Variants in LHFPL2 observed in about 807,000 individuals in gnomAD.
LHFPL2 encodes the protein LHFPL tetraspan subfamily member 2.
LHFPL2 carries 7 observed loss-of-function variants against 17.5 expected under a neutral mutation model. That is an observed-to-expected ratio of 0.40 (90% CI 0.23 to 0.75). LHFPL2 has a LOEUF of 0.75. LHFPL2 is among the 30% of genes least tolerant of loss of function. The pLI is 0.37. For synonymous variants in LHFPL2, 134 were observed against 116.2 expected (o/e 1.15, Z -0.99); for missense variants, 241 against 294.8 (o/e 0.82, Z 1.34).
intron 3 of LHFPL2, among the ~76,000 whole-genome samples, chr5:78,537,683 A>G (rs1755991613): frequency 6.6e-6 from 1 of 152,232 alleles, no homozygotes; most frequent in Non-Finnish European, 1.5e-5. Context: ...TAACATGTGC[A>G]AGACATATTT....
chr5:78,526,718 A>AT (rs1288896238), intron 3 of LHFPL2, among the ~76,000 whole-genome samples: 4 of 152,248 alleles, frequency 2.6e-5, no homozygotes, highest in East Asian at 1.9e-4. Flanking sequence ...GAGGCGAGTG[A>AT]TTTTTTACCA....
At chr5:78,584,723 A>AT (rs773129213) in intron 2 of LHFPL2, among the ~76,000 whole-genome samples, 17 of 152,096 alleles carry the variant, frequency 1.1e-4, no homozygotes, top group Non-Finnish European at 2.2e-4. Flanking sequence ...TGCAGAGGTT[A>AT]TTGCTGTCTT....
chr5:78,599,271 A>T (rs1743925718), intron 2 of LHFPL2, among the ~76,000 whole-genome samples: 1 of 152,090 alleles, frequency 6.6e-6, no homozygotes. Flanking sequence ...CCAAGATTGA[A>T]AGCGAAGAAT....
At chr5:78,541,707 G>C (rs946313142) in intron 3 of LHFPL2, among the ~76,000 whole-genome samples, 4 of 152,162 alleles carry the variant, frequency 2.6e-5, no homozygotes, top group African/African-American at 7.2e-5. Flanking sequence ...ACACTCAAGA[G>C]GGGGAAGAAC....
intron 2 of LHFPL2, among the ~76,000 whole-genome samples, chr5:78,627,029 C>T (rs1041056121): frequency 3.3e-5 from 5 of 151,898 alleles, no homozygotes; most frequent in African/African-American, 1.2e-4. Flanking sequence ...TGCAGTGAGC[C>T]GAGATCGCAC....
intron 1 of LHFPL2, among the ~76,000 whole-genome samples, chr5:78,639,332 A>C (rs1037538150): frequency 2.6e-5 from 4 of 152,182 alleles, no homozygotes; most frequent in Non-Finnish European, 5.9e-5. Context: ...CAAGCTGGGA[A>C]AAACAAACAA....
At chr5:78,528,988 T>G (rs1185802957) in intron 3 of LHFPL2, among the ~76,000 whole-genome samples, 1 of 152,190 alleles carries the variant, frequency 6.6e-6, no homozygotes, top group Non-Finnish European at 1.5e-5. Flanking sequence ...TTTTCATACT[T>G]TAAAACTTTT....
At chr5:78,545,741 T>C (rs1169245272) in intron 3 of LHFPL2, among the ~76,000 whole-genome samples, 1 of 152,240 alleles carries the variant, frequency 6.6e-6, no homozygotes, top group African/African-American at 2.4e-5. Context: ...TTAGGAGACC[T>C]ACTTTGTTCC....
At chr5:78,617,282 G>A (rs1202737622) in intron 2 of LHFPL2, among the ~76,000 whole-genome samples, 3 of 152,070 alleles carry the variant, frequency 2.0e-5, no homozygotes, top group Admixed American at 6.6e-5. Context: ...CACCCACCTC[G>A]GACTCCCAAA....
intron 2 of LHFPL2, among the ~76,000 whole-genome samples, chr5:78,606,460 T>C (rs1421851184): frequency 6.6e-6 from 1 of 152,196 alleles, no homozygotes; most frequent in African/African-American, 2.4e-5. Flanking sequence ...AAATACCACT[T>C]AAGACTGAGA....
chr5:78,572,387 T>C (rs1423655568), intron 2 of LHFPL2, among the ~76,000 whole-genome samples: 1 of 151,842 alleles, frequency 6.6e-6, no homozygotes. Context: ...CTTCAAAGCT[T>C]AGCCAAATAA....
intron 3 of LHFPL2, among the ~76,000 whole-genome samples, chr5:78,528,351 T>C (rs546069762): frequency 1.3e-5 from 2 of 152,342 alleles, no homozygotes; most frequent in South Asian, 4.1e-4. Flanking sequence ...GCTCTGCCTC[T>C]TGTCATATCA....
chr5:78,571,660 T>C (rs1477590584), intron 2 of LHFPL2, among the ~76,000 whole-genome samples: 1 of 152,168 alleles, frequency 6.6e-6, no homozygotes, highest in Non-Finnish European at 1.5e-5. Context: ...TACTCATCCC[T>C]TGCTTCATTC....
intron 3 of LHFPL2, among the ~76,000 whole-genome samples, chr5:78,560,232 T>C (rs1756689658): frequency 6.6e-6 from 1 of 152,256 alleles, no homozygotes; most frequent in Non-Finnish European, 1.5e-5. Flanking sequence ...AGAATGCACA[T>C]AAGTGCCACT....
intron 2 of LHFPL2, among the ~76,000 whole-genome samples, chr5:78,594,603 A>C (rs1429450828): frequency 1.3e-5 from 2 of 152,248 alleles, no homozygotes; most frequent in African/African-American, 2.4e-5. Flanking sequence ...GAGCCCTACA[A>C]ATCATGAACA....
intron 3 of LHFPL2, among the ~76,000 whole-genome samples, chr5:78,545,259 A>G (rs1290425592): frequency 3.9e-5 from 6 of 152,082 alleles, no homozygotes. Flanking sequence ...TACCCAACAC[A>G]TTCCCCATCA....
intron 1 of LHFPL2, among the ~76,000 whole-genome samples, chr5:78,638,630 C>G (rs184622409): frequency 2.4e-4 from 36 of 152,280 alleles, no homozygotes; most frequent in African/African-American, 8.7e-4. Flanking sequence ...CCTCTGCCCT[C>G]CGGCCGCCTG....
At chr5:78,602,405 A>T (rs1447642047) in intron 2 of LHFPL2, among the ~76,000 whole-genome samples, 1 of 152,222 alleles carries the variant, frequency 6.6e-6, no homozygotes, top group African/African-American at 2.4e-5. Context: ...TAAGGAATAC[A>T]GGATTGAAAG....
intron 3 of LHFPL2, among the ~76,000 whole-genome samples, chr5:78,527,363 GTTTTTT>G (rs35135294): frequency 4.6e-5 from 5 of 108,104 alleles, no homozygotes; most frequent in Non-Finnish European, 7.3e-5. Flanking sequence ...CTGATGAGGA[GTTTTTT>G]TTTTTTTTTT....
Sources: allele counts gnomAD v4.1 joint callset (sites outside exome capture counted in the v4.1 genomes callset), GRCh38; gene constraint gnomAD v4.1.1; transcripts MANE v1.5; gene names NCBI Gene and HGNC (gene_info 2026-07-23, HGNC 2026-07-21).